The following NCKAP5 variants were observed in gnomAD, a reference collection of about 807,000 sequenced individuals.
NCKAP5 encodes the protein NCK associated protein 5, also known as nck-associated protein 5.
A neutral mutation model predicts 167.0 loss-of-function variants in NCKAP5; 92 were observed. The observed-to-expected ratio is 0.55, with a 90% CI of 0.47 to 0.66. NCKAP5 has a LOEUF of 0.66. NCKAP5 is among the 30% of genes least tolerant of loss of function. NCKAP5 has a pLI of 0.00. For missense variants in NCKAP5, 2,378 were observed against 2,315.0 expected, an observed-to-expected ratio of 1.03 and a Z score of -0.56; for synonymous variants, 891 against 877.4, an observed-to-expected ratio of 1.02 and a Z score of -0.27.
the NCKAP5 span, among the ~76,000 whole-genome samples, chr2:133,611,795 C>T: frequency 4.6e-5 from 7 of 152,266 alleles, no homozygotes; most frequent in South Asian, 1.5e-3. Flanking sequence ...TTCAAATAAT[C>T]ATTGTTTTCA....
the NCKAP5 span, among the ~76,000 whole-genome samples, chr2:133,631,337 G>A: frequency 1.3e-5 from 2 of 152,178 alleles, no homozygotes; most frequent in African/African-American, 4.8e-5. Context: ...AACTTATGCA[G>A]TGTAAAGCAA....
At chr2:133,550,590 A>ACTC (rs200572175) in intron 2 of NCKAP5, among the ~76,000 whole-genome samples, 17,792 of 94,190 alleles carry the variant, frequency 0.19, 1,822 homozygotes, top group East Asian at 0.26. Flanking sequence ...TATTGATGGG[A>ACTC]CGTATTTCAA....
rs1346791812 is a variant in NCKAP5, at chr2:132,947,887, G to A, written c.579+15833C>T. On this transcript the variant is annotated intron_variant, in intron 8 of 19. Coordinates refer to ENST00000409261, the MANE Select transcript of NCKAP5 (RefSeq NM_207363.3). ...TTATGAGAATTGCCTCTTATTCTTC[G>A]GGAAGGATTACTATATACCTTCTGC... Among the ~76,000 whole-genome samples the A allele has an allele frequency of 2.6e-5, 4 of 152,092 alleles. No individual in the cohort carries two copies. The South Asian group carries it at 6.2e-4, about 24-fold the overall frequency.
At chr2:132,951,280 G>A (rs555864364) in intron 8 of NCKAP5, among the ~76,000 whole-genome samples, 1 of 152,212 alleles carries the variant, frequency 6.6e-6, no homozygotes, top group South Asian at 2.1e-4. Flanking sequence ...TAACTAAGGC[G>A]TTCCAATTCC....
chr2:132,913,719 G>A (rs984359754), intron 8 of NCKAP5, among the ~76,000 whole-genome samples: 1 of 152,030 alleles, frequency 6.6e-6, no homozygotes, highest in African/African-American at 2.4e-5. Context: ...ACAGTACCTT[G>A]CATAATAAAC....
intron 1 of NCKAP5, among the ~76,000 whole-genome samples, chr2:133,565,303 C>T (rs941618597): frequency 6.6e-6 from 1 of 152,152 alleles, no homozygotes; most frequent in African/African-American, 2.4e-5. Context: ...TGGGGTGGGA[C>T]GTGGGCATCA....
intron 11 of NCKAP5, among the ~76,000 whole-genome samples, chr2:132,821,875 G>A (rs1686766571): frequency 6.6e-6 from 1 of 152,162 alleles, no homozygotes; most frequent in South Asian, 2.1e-4. Flanking sequence ...CTCCACCCAA[G>A]GAGAGTCTGA....
intron 10 of NCKAP5, among the ~76,000 whole-genome samples, chr2:132,865,843 C>A (rs548934280): frequency 6.6e-6 from 1 of 152,136 alleles, no homozygotes; most frequent in Admixed American, 6.6e-5. Flanking sequence ...TCCTACCTCA[C>A]GGGGCTGCCT....
intron 5 of NCKAP5, among the ~76,000 whole-genome samples, chr2:133,197,302 T>C (rs1424569716): frequency 1.3e-5 from 2 of 152,100 alleles, no homozygotes; most frequent in Non-Finnish European, 2.9e-5. Flanking sequence ...AGTACACACA[T>C]GGAATAAATC....
At chr2:133,668,307 C>T in the NCKAP5 span, among the ~76,000 whole-genome samples, 1 of 152,110 alleles carries the variant, frequency 6.6e-6, no homozygotes, top group South Asian at 2.1e-4. Flanking sequence ...AGGAGTGGAC[C>T]TGATGCATCA....
chr2:133,107,001 T>C (rs553514910), intron 6 of NCKAP5, among the ~76,000 whole-genome samples: 1 of 152,182 alleles, frequency 6.6e-6, no homozygotes, highest in African/African-American at 2.4e-5. Flanking sequence ...TATCCTTACA[T>C]GGGAGCAATT....
chr2:132,847,006 T>C (rs1385499368), intron 11 of NCKAP5, among the ~76,000 whole-genome samples: 1 of 152,200 alleles, frequency 6.6e-6, no homozygotes, highest in South Asian at 2.1e-4. Flanking sequence ...GTGAATGAAA[T>C]AGGCAAATTT....
chr2:133,097,962 A>G (rs2081393616), intron 6 of NCKAP5, among the ~76,000 whole-genome samples: 1 of 152,214 alleles, frequency 6.6e-6, no homozygotes, highest in Non-Finnish European at 1.5e-5. Context: ...AAAAAGCTCC[A>G]TGATGGCAGG....
At chr2:133,476,350 T>C (rs73001201) in intron 3 of NCKAP5, among the ~76,000 whole-genome samples, 5,293 of 152,362 alleles carry the variant, frequency 0.035, 306 homozygotes, top group African/African-American at 0.12. Context: ...ATTGCAATTT[T>C]CTTCAATTAT....
intron 3 of NCKAP5, among the ~76,000 whole-genome samples, chr2:133,371,459 A>T (rs2150911471): frequency 6.6e-6 from 1 of 152,228 alleles, no homozygotes; most frequent in African/African-American, 2.4e-5. Flanking sequence ...AAATAACATA[A>T]CTCATGGTTT....
chr2:133,224,860 C>T (rs991035542), intron 4 of NCKAP5, among the ~76,000 whole-genome samples: 3 of 152,014 alleles, frequency 2.0e-5, no homozygotes, highest in Non-Finnish European at 4.4e-5. Flanking sequence ...AAGTCAAACA[C>T]TTCAAAAAAA....
At chr2:133,507,278 C>T (rs192326506) in intron 3 of NCKAP5, among the ~76,000 whole-genome samples, 23 of 152,304 alleles carry the variant, frequency 1.5e-4, no homozygotes, top group African/African-American at 3.8e-4. Flanking sequence ...ACTTATCTGC[C>T]GGCTCTGACA....
chr2:133,236,823 T>C (rs2087443807), intron 4 of NCKAP5, among the ~76,000 whole-genome samples: 1 of 152,186 alleles, frequency 6.6e-6, no homozygotes, highest in South Asian at 2.1e-4. Context: ...ATTACCTCTA[T>C]AGGCTTCAAT....
chr2:133,068,384 A>T (rs552667106), intron 6 of NCKAP5, among the ~76,000 whole-genome samples: 1 of 152,346 alleles, frequency 6.6e-6, no homozygotes, highest in South Asian at 2.1e-4. Flanking sequence ...CAGCTGTTTC[A>T]TATGGTCTGT....
Sources: gnomAD v4.1 joint callset for allele counts (sites outside exome capture counted in the v4.1 genomes callset) on GRCh38, gnomAD v4.1.1 for gene constraint, MANE v1.5 for transcripts, NCBI Gene and HGNC (gene_info 2026-07-23, HGNC 2026-07-21) for gene names.